Variants in ARPP21 observed in about 807,000 individuals in gnomAD.
ARPP21 encodes cAMP-regulated phosphoprotein 21.
In ARPP21, 69 loss-of-function variants were observed where a neutral mutation model predicts 113.2. The observed-to-expected ratio is 0.61, with a 90% confidence interval of 0.50 to 0.74. The LOEUF is 0.74. Among genes scored for constraint, ARPP21 ranks in the 30% least tolerant of loss-of-function variants. The pLI is 0.00. For synonymous variants in ARPP21, 368 were observed against 375.5 expected (o/e 0.98, Z 0.23); for missense variants, 1,070 against 1,037.4 (o/e 1.03, Z -0.43).
intron 15 of ARPP21, among the ~76,000 whole-genome samples, chr3:35,729,981 T>C (rs995084865): frequency 6.6e-6 from 1 of 152,210 alleles, no homozygotes; most frequent in African/African-American, 2.4e-5. Flanking sequence ...TTGAGACATA[T>C]AGTGACCATT....
chr3:35,718,056 T>C (rs1013824641), intron 13 of ARPP21, among the ~76,000 whole-genome samples: 2 of 152,162 alleles, frequency 1.3e-5, no homozygotes, highest in Non-Finnish European at 2.9e-5. Context: ...TGTTAATGTG[T>C]TTATGAGTGT....
chr3:35,707,315 G>T lies in ARPP21; in HGVS notation c.795+233G>T, dbSNP rs2089498936. The T allele has an allele frequency of 4.7e-6, 3 of 638,694 alleles. No individual in the cohort carries two copies. The East Asian group carries it at 9.0e-5, about 19-fold the overall frequency. The allele number at this position is 638,694 out of a possible 1,614,324, so 39.6% of individuals were successfully genotyped here. On this transcript the variant is annotated intron_variant, in intron 10 of 20. Coordinates refer to ENST00000684406, the MANE Select transcript of ARPP21 (RefSeq NM_001385562.1). ...GCAATGGCTCTGTGTTGGGCTGCAT[G>T]GGTGGTGCTTGGCGCAGTTTCCGCT...
chr3:35,640,770 G>T (rs764173228), intron 1 of ARPP21, among the ~76,000 whole-genome samples: 1 of 152,130 alleles, frequency 6.6e-6, no homozygotes, highest in South Asian at 2.1e-4. Flanking sequence ...GAAGGATTGG[G>T]GTCCTAGGTC....
chr3:35,724,818 T>C (rs1268372451), intron 14 of ARPP21, among the ~76,000 whole-genome samples: 1 of 152,132 alleles, frequency 6.6e-6, no homozygotes, highest in African/African-American at 2.4e-5. Context: ...CACTAACACA[T>C]CGTGGATATT....
intron 11 of ARPP21, among the ~76,000 whole-genome samples, chr3:35,711,434 T>G (rs1007885088): frequency 2.0e-5 from 3 of 152,240 alleles, no homozygotes; most frequent in Admixed American, 1.3e-4. Context: ...AGTGTCTTTC[T>G]CTATCTGTAT....
chr3:35,737,279 C>A lies in ARPP21; in HGVS notation c.1561C>A (p.Pro521Thr). Reference protein sequence around the residue: ...SAMVGQSQQQPPQQQPSPQPQ... With the variant: ...SAMVGQSQQQTPQQQPSPQPQ... ...CATGGTGGGGCAGTCCCAACAGCAG[C>A]CACCACAGCAGCAGCCCTCCCCGCA... The change falls in exon 16 of 21, where the codon CCA becomes ACA. Residue 521 changes from proline (P) to threonine (T), a missense_variant. Coordinates refer to ENST00000684406, the MANE Select transcript of ARPP21 (RefSeq NM_001385562.1). 1 of 1,612,570 alleles carries A rather than the reference C, an allele frequency of 6.2e-7. No homozygotes were observed. Among genetic ancestry groups the A allele is most frequent in the Non-Finnish European group, 8.5e-7 (1 of 1,178,758 alleles).
At chr3:35,683,939 T>G (rs542975560) in intron 5 of ARPP21, 124 bp downstream of exon 5, 3 of 1,078,324 alleles carry the variant, frequency 2.8e-6, no homozygotes, top group African/African-American at 3.1e-5. Flanking sequence ...ATAATTCATT[T>G]TTTGGCTTTA....
At chr3:35,729,209 G>C (rs1023485318) in intron 14 of ARPP21, 94 bp from the exon 15 acceptor site, 18 of 802,856 alleles carry the variant, frequency 2.2e-5, no homozygotes, top group Middle Eastern at 7.0e-4. Context: ...ATTCTTTAAT[G>C]ATGTGTCGCA....
chr3:35,766,828 C>CAT (rs917616876), intron 19 of ARPP21, among the ~76,000 whole-genome samples: 4 of 147,756 alleles, frequency 2.7e-5, no homozygotes, highest in African/African-American at 1.0e-4. Context: ...TCATATTATA[C>CAT]ATATGTGTGT....
chr3:35,670,799 G>C lies in ARPP21; in HGVS notation c.-212-8988G>C, dbSNP rs140129777. On this transcript the variant is annotated intron_variant, in intron 1 of 20. Coordinates refer to ENST00000684406, the MANE Select transcript of ARPP21 (RefSeq NM_001385562.1). ...GCTCCTGAAAATGTTTTCCTCCCAG[G>C]AATGTATTCATTTATCCTTTCAACA... Among the ~76,000 whole-genome samples the C allele has an allele frequency of 7.3e-3, 1,104 of 152,214 alleles. 3 individuals are homozygous for C. The highest frequency in any genetic ancestry group is 9.1e-3 in the Admixed American group (139 of 15,286).
intron 19 of ARPP21, among the ~76,000 whole-genome samples, chr3:35,744,808 T>C (rs909268074): frequency 6.6e-6 from 1 of 152,208 alleles, no homozygotes; most frequent in Non-Finnish European, 1.5e-5. Flanking sequence ...GAATCTATGT[T>C]ATGCATATGG....
intron 9 of ARPP21, among the ~76,000 whole-genome samples, chr3:35,697,386 C>A (rs576639823): frequency 6.6e-6 from 1 of 151,644 alleles, no homozygotes; most frequent in South Asian, 2.1e-4. Flanking sequence ...AAGTGTGAGC[C>A]TGGGTATTTT....
chr3:35,698,234 C>T (rs1397993195), intron 9 of ARPP21, among the ~76,000 whole-genome samples: 1 of 151,528 alleles, frequency 6.6e-6, no homozygotes, highest in Non-Finnish European at 1.5e-5. Flanking sequence ...ATATTTTCTC[C>T]ATATTATTAT....
chr3:35,657,283 G>T (rs554390140), intron 1 of ARPP21, among the ~76,000 whole-genome samples: 55 of 152,128 alleles, frequency 3.6e-4, no homozygotes, highest in Non-Finnish European at 1.0e-4. Flanking sequence ...AACTTAAAGA[G>T]CCCAGTGGCT....
intron 19 of ARPP21, among the ~76,000 whole-genome samples, chr3:35,749,573 T>G (rs2095325594): frequency 6.6e-6 from 1 of 152,090 alleles, no homozygotes; most frequent in Non-Finnish European, 1.5e-5. Flanking sequence ...GTTCCTTCCC[T>G]TTCTATTTTT....
At chr3:35,662,328 A>G (rs1436921189) in intron 1 of ARPP21, among the ~76,000 whole-genome samples, 1 of 152,262 alleles carries the variant, frequency 6.6e-6, no homozygotes, top group Admixed American at 6.5e-5. Flanking sequence ...AATGGCTTAA[A>G]GCAAAATGGT....
At chr3:35,644,779 G>A (rs1233264992) in intron 1 of ARPP21, among the ~76,000 whole-genome samples, 1 of 151,886 alleles carries the variant, frequency 6.6e-6, no homozygotes, top group Non-Finnish European at 1.5e-5. Flanking sequence ...CACCAGTATA[G>A]ATCCTGGAAT....
rs1373472567 is a variant in ARPP21, at chr3:35,667,888, AGAG to A, written c.-212-11896_-212-11894del. ...AAGAAGAAGAAGAAGAAGAAGAAGA[AGAG>A]GAAGAGGAAGAGGAAGAGGAAGGAG... On this transcript the variant is annotated intron_variant, in intron 1 of 20. Transcript: ENST00000684406. Among the ~76,000 whole-genome samples the A allele has an allele frequency of 2.3e-3, 297 of 129,444 alleles. 8 individuals carry two copies. The highest frequency in any genetic ancestry group is 4.0e-3 in the South Asian group (16 of 3,980). The allele number at this position is 129,444 out of a possible 152,430, so 84.9% of individuals were successfully genotyped here.
Position 35,645,612 on chromosome 3 carries a change from G to A in ARPP21, c.-213+5214G>A, listed in dbSNP as rs79374946. ...CACAAGTTAGGAAATAATTCCTTGT[G>A]GTAGGGACATTTAAAAGAACTAACT... On this transcript the variant is annotated intron_variant, in intron 1 of 20. Transcript: ENST00000684406. Among the ~76,000 whole-genome samples, 30 of 151,964 alleles carry A rather than the reference G, an allele frequency of 2.0e-4. No individual in the cohort carries two copies. The East Asian group carries it at 3.5e-3, about 18-fold the overall frequency.
Sources: allele counts gnomAD v4.1 joint callset (sites outside exome capture counted in the v4.1 genomes callset), GRCh38; gene constraint gnomAD v4.1.1; transcripts MANE v1.5; gene names NCBI Gene and HGNC (gene_info 2026-07-23, HGNC 2026-07-21).